Variants in AFF3 observed in about 807,000 individuals in gnomAD.
AFF3 encodes the protein ALF transcription elongation factor 3.
In AFF3, 32 loss-of-function variants were observed where a neutral mutation model predicts 129.7. The ratio of observed to expected loss-of-function variants is 0.25; its 90% CI spans 0.19 to 0.33. AFF3 has a LOEUF of 0.33. AFF3 is among the 10% of genes least tolerant of loss of function. The pLI is 1.00. For missense variants in AFF3, 1,373 were observed against 1,592.0 expected (o/e 0.86, Z 2.34); for synonymous variants, 644 against 635.4 (o/e 1.01, Z -0.20).
chr2:99,981,740 A>G (rs931787301), intron 7 of AFF3, among the ~76,000 whole-genome samples: 1 of 152,220 alleles, frequency 6.6e-6, no homozygotes, highest in African/African-American at 2.4e-5. Context: ...TCATATCTTA[A>G]GGATATTAAC....
chr2:99,949,905 T>C (rs1473327545), intron 7 of AFF3, among the ~76,000 whole-genome samples: 1 of 152,248 alleles, frequency 6.6e-6, no homozygotes, highest in African/African-American at 2.4e-5. Flanking sequence ...CCATTTGGTA[T>C]ATGAATGTTC....
chr2:99,855,676 G>C (rs1335594931), intron 7 of AFF3, among the ~76,000 whole-genome samples: 4 of 152,102 alleles, frequency 2.6e-5, no homozygotes, highest in Non-Finnish European at 5.9e-5. Flanking sequence ...TTGCGCATAA[G>C]AATTAAAATA....
intron 21 of AFF3, among the ~76,000 whole-genome samples, chr2:99,559,300 C>G (rs780303037): frequency 6.6e-6 from 1 of 152,244 alleles, no homozygotes; most frequent in Non-Finnish European, 1.5e-5. Flanking sequence ...CGAGGTAGCT[C>G]TAGTACGCAG....
chr2:100,130,727 A>T (rs1387906772), intron 1 of AFF3, among the ~76,000 whole-genome samples: 1 of 152,158 alleles, frequency 6.6e-6, no homozygotes, highest in Non-Finnish European at 1.5e-5. Context: ...GGTTGATGAG[A>T]TCACTGGGCT....
chr2:100,051,558 T>C (rs898163364), intron 4 of AFF3, among the ~76,000 whole-genome samples: 2 of 152,212 alleles, frequency 1.3e-5, no homozygotes, highest in Admixed American at 1.3e-4. Context: ...AGGAGCATCT[T>C]GCTAGTCCCC....
At chr2:99,556,008 G>A (rs1157080492) in intron 22 of AFF3, among the ~76,000 whole-genome samples, 1 of 152,190 alleles carries the variant, frequency 6.6e-6, no homozygotes, top group Non-Finnish European at 1.5e-5. Context: ...TCTCAAGCTG[G>A]TGCTACTGGA....
At chr2:100,093,385 CA>C (rs1690028223) in intron 4 of AFF3, among the ~76,000 whole-genome samples, 1 of 150,380 alleles carries the variant, frequency 6.6e-6, no homozygotes, top group Non-Finnish European at 1.5e-5. Context: ...CAGGTGTGAT[CA>C]GCCTGTACCA....
At chr2:99,660,342 G>A (rs1686118499) in intron 12 of AFF3, among the ~76,000 whole-genome samples, 1 of 152,166 alleles carries the variant, frequency 6.6e-6, no homozygotes, top group Admixed American at 6.5e-5. Context: ...TCTAAGTCTG[G>A]CTTTATGTTT....
chr2:99,867,145 C>T (rs566925157), intron 7 of AFF3, among the ~76,000 whole-genome samples: 1 of 152,090 alleles, frequency 6.6e-6, no homozygotes, highest in Middle Eastern at 3.4e-3. Context: ...AGACCAAAAA[C>T]ATTCAACATA....
intron 16 of AFF3, 85 bp from the exon 17 acceptor site, chr2:99,583,084 C>G: frequency 8.0e-7 from 1 of 1,257,218 alleles, no homozygotes; most frequent in Non-Finnish European, 1.1e-6. Context: ...AACCACCCAA[C>G]TGGGACCTGT....
At chr2:100,135,680 G>A (rs942556531) in intron 1 of AFF3, among the ~76,000 whole-genome samples, 33 of 152,182 alleles carry the variant, frequency 2.2e-4, no homozygotes, top group African/African-American at 7.7e-4. Context: ...CATGGTTTAG[G>A]GTAGTTGGTT....
At chr2:99,766,685 T>A (rs1050741152) in intron 8 of AFF3, among the ~76,000 whole-genome samples, 1 of 152,184 alleles carries the variant, frequency 6.6e-6, no homozygotes, top group African/African-American at 2.4e-5. Context: ...ATAAACAGGA[T>A]GACAACTGCT....
At chr2:99,623,203 T>A (rs1173740481) in intron 13 of AFF3, among the ~76,000 whole-genome samples, 5 of 146,836 alleles carry the variant, frequency 3.4e-5, no homozygotes, top group African/African-American at 1.3e-4. Flanking sequence ...TGATGCCAAA[T>A]AAGGGCAATG....
chr2:100,106,699 C>T (rs1691319479), intron 2 of AFF3: 1 of 986,038 alleles, frequency 1.0e-6, no homozygotes, highest in Non-Finnish European at 1.2e-6. Context: ...ACCTCCCGGC[C>T]CTCACCGGGA....
intron 7 of AFF3, among the ~76,000 whole-genome samples, chr2:99,863,898 CAAAG>C (rs1191834411): frequency 2.0e-5 from 3 of 152,154 alleles, no homozygotes; most frequent in Non-Finnish European, 4.4e-5. Context: ...TTGGAAATGA[CAAAG>C]AAGGGACAAA....
chr2:99,970,889 C>T (rs546075856), intron 7 of AFF3, among the ~76,000 whole-genome samples: 4 of 152,370 alleles, frequency 2.6e-5, no homozygotes, highest in African/African-American at 9.6e-5. Context: ...AGATCCTCAA[C>T]CGTCAACCTG....
chr2:99,668,791 A>C lies in AFF3; in HGVS notation c.1143+3747T>G, dbSNP rs181236942. Among the ~76,000 whole-genome samples, 687 of 149,916 alleles carry C rather than the reference A, an allele frequency of 4.6e-3. 3 individuals carry two copies. The highest frequency in any genetic ancestry group is 0.016 in the African/African-American group (647 of 40,780). ...TGGTCAGGCTGGTCTTGAACTCCTGACCTCAGATGATCCACCTGCCTTGGC... is the reference window on the plus strand; with the variant it reads ...TGGTCAGGCTGGTCTTGAACTCCTGCCCTCAGATGATCCACCTGCCTTGGC... On this transcript the variant is annotated intron_variant, in intron 12 of 24. Transcript: ENST00000672756.
intron 13 of AFF3, among the ~76,000 whole-genome samples, chr2:99,646,993 A>G (rs1191651205): frequency 2.6e-5 from 4 of 152,210 alleles, no homozygotes; most frequent in African/African-American, 9.7e-5. Context: ...TGAAAAGTCA[A>G]AAAACAACAG....
rs549013924 is a variant in AFF3, at chr2:99,713,709, T to A, written c.1091+13368A>T. 5.9e-5 allele frequency among the ~76,000 whole-genome samples: 9 copies of A among 151,894 alleles called. No homozygotes were observed. In the East Asian group the frequency reaches 1.7e-3, roughly 29 times the overall value. ...GGGGAATATAGACTCCCTATTTTTT[T>A]TTTTTCTAGAGAGAGTCTTGTTCTG... On this transcript the variant is annotated intron_variant, in intron 11 of 24. Transcript: ENST00000672756.
Sources: gnomAD v4.1 joint callset for allele counts (sites outside exome capture counted in the v4.1 genomes callset) on GRCh38, gnomAD v4.1.1 for gene constraint, MANE v1.5 for transcripts, NCBI Gene and HGNC (gene_info 2026-07-23, HGNC 2026-07-21) for gene names.